Variants in DPYSL3 observed in about 807,000 individuals in gnomAD.
The protein encoded by DPYSL3 is dihydropyrimidinase like 3, also known as dihydropyrimidinase-related protein 3.
In DPYSL3, 16 loss-of-function variants were observed where a neutral mutation model predicts 66.1. That is an observed-to-expected ratio of 0.24 (90% CI 0.16 to 0.37). The LOEUF (loss-of-function observed/expected upper bound fraction) is 0.37, where lower values mean the gene tolerates loss of function less well. Ranked by LOEUF, DPYSL3 falls within the 10% of genes least tolerant of loss-of-function variation. The pLI, the probability that DPYSL3 is intolerant of heterozygous loss-of-function variation, is 1.00. For missense variants in DPYSL3, 738 were observed against 916.2 expected, an observed-to-expected ratio of 0.81 and a Z score of 2.51; for synonymous variants, 338 against 345.1, an observed-to-expected ratio of 0.98 and a Z score of 0.23.
intron 1 of DPYSL3, among the ~76,000 whole-genome samples, chr5:147,445,066 C>T (rs1752605395): frequency 6.6e-6 from 1 of 152,114 alleles, no homozygotes; most frequent in African/African-American, 2.4e-5. Flanking sequence ...ACAGTTTCCT[C>T]TATATGAAAG....
intron 2 of DPYSL3, 73 bp downstream of exon 2, chr5:147,424,802 T>C (rs1003789185): frequency 4.8e-5 from 57 of 1,191,648 alleles, no homozygotes; most frequent in Non-Finnish European, 6.3e-5. Flanking sequence ...ATTCATGTAA[T>C]CCAACCTCCT....
chr5:147,445,195 T>C (rs1289369361), intron 1 of DPYSL3, among the ~76,000 whole-genome samples: 3 of 152,152 alleles, frequency 2.0e-5, no homozygotes, highest in Non-Finnish European at 4.4e-5. Flanking sequence ...TGAGCCCAGA[T>C]GCAGAAGCTG....
chr5:147,421,698 T>G (rs1752082166), intron 2 of DPYSL3, among the ~76,000 whole-genome samples: 1 of 152,076 alleles, frequency 6.6e-6, no homozygotes, highest in African/African-American at 2.4e-5. Flanking sequence ...GCCACAGAAA[T>G]AACACCACAC....
At chr5:147,453,666 A>G (rs1482820353) in intron 1 of DPYSL3, 1 of 1,473,310 alleles carries the variant, frequency 6.8e-7, no homozygotes, top group Non-Finnish European at 9.0e-7. Context: ...CTCAGCGCAC[A>G]GCGCCCCGAG....
chr5:147,465,310 C>CT (rs1307705332), intron 1 of DPYSL3, among the ~76,000 whole-genome samples: 7 of 151,296 alleles, frequency 4.6e-5, no homozygotes, highest in East Asian at 1.9e-4. Flanking sequence ...CCAGGTCTCT[C>CT]TTTTTTTTTG....
In DPYSL3 at chr5:147,465,018, G is replaced by A. The variant is rs142639357; in HGVS notation, c.382-40055C>T. 8.0e-3 allele frequency among the ~76,000 whole-genome samples: 1,216 copies of A among 152,130 alleles called. 13 individuals carry two copies. Among genetic ancestry groups the A allele is most frequent in the African/African-American group, 0.028 (1,145 of 41,506 alleles). On this transcript the variant is annotated intron_variant, in intron 1 of 13. Coordinates refer to ENST00000343218, the MANE Select transcript of DPYSL3 (RefSeq NM_001197294.2). ...GTTCAGGACTAGCCTAGCCAACATA[G>A]CTTTTTCTCTACAAAAGTTTTAAAA...
chr5:147,495,100 A>C (rs934338122), intron 1 of DPYSL3, among the ~76,000 whole-genome samples: 21 of 152,138 alleles, frequency 1.4e-4, no homozygotes, highest in Non-Finnish European at 1.5e-5. Context: ...ACTCAGATGG[A>C]TTTCCTGGCG....
chr5:147,402,341 C>CTTTTT lies in DPYSL3; in HGVS notation c.1154-650_1154-646dup, dbSNP rs11438535. ...TCCTGTGGATTAGAGACTCTCATGA[C>CTTTTT]TTTTTTTTTTTTCTTTTTTTTTTTG... On this transcript the variant is annotated intron_variant, in intron 8 of 13. Coordinates refer to ENST00000343218, the MANE Select transcript of DPYSL3 (RefSeq NM_001197294.2). Among the ~76,000 whole-genome samples, 8 of 135,032 alleles carry CTTTTT rather than the reference C, an allele frequency of 5.9e-5. 1 individual carries two copies. Among genetic ancestry groups the CTTTTT allele is most frequent in the East Asian group, 4.3e-4 (2 of 4,700 alleles). The allele number at this position is 135,032 out of a possible 152,430, so 88.6% of individuals were successfully genotyped here.
intron 6 of DPYSL3, 82 bp from the exon 7 acceptor site, chr5:147,408,878 A>T: frequency 7.3e-7 from 1 of 1,367,726 alleles, no homozygotes; most frequent in Non-Finnish European, 1.0e-6. Flanking sequence ...TGATCTAAAG[A>T]TCTAAAGAAT....
chr5:147,481,835 T>G (rs969700900), intron 1 of DPYSL3, among the ~76,000 whole-genome samples: 2 of 152,216 alleles, frequency 1.3e-5, no homozygotes, highest in Non-Finnish European at 2.9e-5. Context: ...GGTTCCAGAA[T>G]CATGAGCTAA....
intron 1 of DPYSL3, among the ~76,000 whole-genome samples, chr5:147,500,605 C>T (rs1423998451): frequency 2.1e-5 from 3 of 144,486 alleles, no homozygotes; most frequent in African/African-American, 7.7e-5. Flanking sequence ...CAGAGTGAGA[C>T]TCCATCTCAA....
intron 1 of DPYSL3, among the ~76,000 whole-genome samples, chr5:147,434,577 G>C (rs1752381853): frequency 6.6e-6 from 1 of 152,188 alleles, no homozygotes; most frequent in Non-Finnish European, 1.5e-5. Context: ...ACATATGCTA[G>C]TGTAACTACT....
At chr5:147,507,111 C>G (rs1333344168) in intron 1 of DPYSL3, among the ~76,000 whole-genome samples, 1 of 152,192 alleles carries the variant, frequency 6.6e-6, no homozygotes, top group Non-Finnish European at 1.5e-5. Context: ...TTGACTCACA[C>G]TGGACAAATA....
intron 1 of DPYSL3, among the ~76,000 whole-genome samples, chr5:147,461,135 A>G (rs1051566354): frequency 1.3e-5 from 2 of 152,216 alleles, no homozygotes; most frequent in African/African-American, 4.8e-5. Context: ...AAGGGCTACA[A>G]GGGAGCCAGG....
chr5:147,480,703 A>AGAT, intron 1 of DPYSL3, among the ~76,000 whole-genome samples: 1 of 142,464 alleles, frequency 7.0e-6, no homozygotes, highest in South Asian at 2.3e-4. Flanking sequence ...GAATATATAT[A>AGAT]TATTATTATT....
Position 147,395,695 on chromosome 5 carries a change from C to T in DPYSL3, c.1830G>A (p.Arg610=). 6.2e-7 allele frequency: 1 copy of T among 1,614,018 alleles called. No homozygotes were observed. The highest frequency in any genetic ancestry group is 8.5e-7 in the Non-Finnish European group (1 of 1,180,030). Residue 610 remains arginine (R), a synonymous_variant, in exon 13 of 14, where the codon AGG becomes AGA. Transcript: ENST00000343218. ...CAAACACAGGCCCATCGTACATGCC[C>T]CTTGGGACGGCATGCAGGTCTGCCA... ...RKMADLHAVP[R]GMYDGPVFDL...
At chr5:147,460,098 G>A (rs577028329) in intron 1 of DPYSL3, among the ~76,000 whole-genome samples, 2 of 151,164 alleles carry the variant, frequency 1.3e-5, no homozygotes, top group South Asian at 2.1e-4. Context: ...GCGACAGAAC[G>A]AGACTCCGTC....
intron 1 of DPYSL3, among the ~76,000 whole-genome samples, chr5:147,495,834 T>C (rs548251828): frequency 6.6e-6 from 1 of 152,322 alleles, no homozygotes; most frequent in African/African-American, 2.4e-5. Context: ...CAAGGTAATT[T>C]ATAGATTCAA....
At chr5:147,433,795 C>A (rs1436305683) in intron 1 of DPYSL3, among the ~76,000 whole-genome samples, 6 of 152,098 alleles carry the variant, frequency 3.9e-5, no homozygotes, top group South Asian at 2.1e-4. Flanking sequence ...GCACTCTGGG[C>A]GGCCAAGGCG....
Sources: gnomAD v4.1 joint callset for allele counts (sites outside exome capture counted in the v4.1 genomes callset) on GRCh38, gnomAD v4.1.1 for gene constraint, MANE v1.5 for transcripts, NCBI Gene and HGNC (gene_info 2026-07-23, HGNC 2026-07-21) for gene names.